The following RABGEF1 variants were observed in gnomAD, a reference collection of about 807,000 sequenced individuals.
The protein encoded by RABGEF1 is RAB guanine nucleotide exchange factor 1, also known as rab5 GDP/GTP exchange factor.
RABGEF1 carries 26 observed loss-of-function variants against 57.3 expected under a neutral mutation model. The ratio of observed to expected loss-of-function variants is 0.45; its 90% CI spans 0.33 to 0.63. The LOEUF (loss-of-function observed/expected upper bound fraction) is 0.63. Among genes scored for constraint, RABGEF1 ranks in the 20% least tolerant of loss-of-function variants. The pLI is 0.02. For missense variants in RABGEF1, 464 were observed against 607.6 expected (o/e 0.76, Z 2.48); for synonymous variants, 185 against 210.7 (o/e 0.88, Z 1.06).
chr7:66,662,654 G>A, the RABGEF1 span, among the ~76,000 whole-genome samples: 1 of 152,118 alleles, frequency 6.6e-6, no homozygotes, highest in Non-Finnish European at 1.5e-5. Context: ...TCATTCTAGA[G>A]AACCCTGCTC....
intron 2 of RABGEF1, among the ~76,000 whole-genome samples, chr7:66,731,490 G>A (rs1297177329): frequency 6.6e-6 from 1 of 152,090 alleles, no homozygotes; most frequent in East Asian, 1.9e-4. Context: ...GCCACCGCAG[G>A]TGGATCACTT....
At chr7:66,747,021 T>A (rs1800417885) in intron 1 of RABGEF1, among the ~76,000 whole-genome samples, 1 of 151,992 alleles carries the variant, frequency 6.6e-6, no homozygotes, top group Admixed American at 6.5e-5. Context: ...CTCGAATTTC[T>A]GACCTCAGGT....
chr7:66,786,547 G>A (rs766934480), intron 4 of RABGEF1, among the ~76,000 whole-genome samples: 2 of 152,104 alleles, frequency 1.3e-5, no homozygotes, highest in Non-Finnish European at 1.5e-5. Flanking sequence ...GGGACTAGTG[G>A]CACACACCAC....
chr7:66,682,685 C>T (rs917346233), intron 1 of RABGEF1, among the ~76,000 whole-genome samples: 2 of 132,194 alleles, frequency 1.5e-5, no homozygotes. Context: ...ACGCTCGGAC[C>T]CAGACCACAG....
chr7:66,667,954 C>T, the RABGEF1 span, among the ~76,000 whole-genome samples: 1 of 152,212 alleles, frequency 6.6e-6, no homozygotes, highest in Admixed American at 6.5e-5. Context: ...CATGCCACCA[C>T]GCCTGGCTGA....
chr7:66,661,298 CA>C, the RABGEF1 span, among the ~76,000 whole-genome samples: 33 of 78,026 alleles, frequency 4.2e-4, no homozygotes, highest in Non-Finnish European at 5.2e-4. Context: ...GACTCCATCT[CA>C]AAAAAAAAAA....
At chr7:66,666,835 G>A in the RABGEF1 span, among the ~76,000 whole-genome samples, 1 of 152,224 alleles carries the variant, frequency 6.6e-6, no homozygotes, top group Non-Finnish European at 1.5e-5. Flanking sequence ...TCCTTGGAGA[G>A]GTCAGGATGG....
the RABGEF1 span, among the ~76,000 whole-genome samples, chr7:66,671,310 G>T: frequency 2.6e-5 from 4 of 152,114 alleles, no homozygotes; most frequent in South Asian, 6.2e-4. Flanking sequence ...CTCCTGAATA[G>T]CTGGGACTAC....
At chr7:66,679,399 C>A (rs781668446), upstream of RABGEF1, among the ~76,000 whole-genome samples, 23 of 152,252 alleles carry the variant, frequency 1.5e-4, no homozygotes, top group Non-Finnish European at 2.2e-4. Flanking sequence ...GCCTCAACCC[C>A]CCAGGCTCAT....
At chr7:66,739,015 A>T (rs552270694), upstream of RABGEF1, among the ~76,000 whole-genome samples, 1 of 152,078 alleles carries the variant, frequency 6.6e-6, no homozygotes, top group East Asian at 2.0e-4. Flanking sequence ...CAATGGCGCA[A>T]TCTCAGCTCA....
At chr7:66,754,994 G>A (rs1213938475) in intron 1 of RABGEF1, among the ~76,000 whole-genome samples, 1 of 151,904 alleles carries the variant, frequency 6.6e-6, no homozygotes, top group Non-Finnish European at 1.5e-5. Context: ...GGGAAATATA[G>A]CTAGATCCTG....
intron 4 of RABGEF1, among the ~76,000 whole-genome samples, chr7:66,794,633 C>T (rs1813578687): frequency 6.6e-6 from 1 of 152,156 alleles, no homozygotes; most frequent in Non-Finnish European, 1.5e-5. Flanking sequence ...TGGTTAATGA[C>T]AGTGTGCACT....
At chr7:66,713,406 G>A (rs1466583590) in intron 2 of RABGEF1, among the ~76,000 whole-genome samples, 1 of 152,192 alleles carries the variant, frequency 6.6e-6, no homozygotes, top group African/African-American at 2.4e-5. Context: ...GGGATTACAG[G>A]CTTGAGCCAC....
chr7:66,789,780 C>T (rs35315599), intron 4 of RABGEF1, among the ~76,000 whole-genome samples: 15,661 of 149,146 alleles, frequency 0.11, 988 homozygotes, highest in South Asian at 0.2. Flanking sequence ...TAGTGATAGG[C>T]GAGGGGAAAC....
rs115002777 is a variant in RABGEF1 at position 66,697,907 on chromosome 7, A to C, written c.-872-14260A>C. 7.6e-3 allele frequency among the ~76,000 whole-genome samples: 1,153 copies of C among 152,188 alleles called. 18 individuals carry two copies. Among genetic ancestry groups the C allele is most frequent in the African/African-American group, 0.026 (1,085 of 41,520 alleles). ...AGAGCAAGTGAGGCTGCTCACCTCA[A>C]ACCCCTGATCCTATTTCCCTCCATG... On this transcript the variant is annotated intron_variant and NMD_transcript_variant, in intron 1 of 9. Transcript: ENST00000607882.
chr7:66,756,249 C>T (rs1802683361), intron 1 of RABGEF1, among the ~76,000 whole-genome samples: 1 of 152,118 alleles, frequency 6.6e-6, no homozygotes, highest in Non-Finnish European at 1.5e-5. Flanking sequence ...TTTTGTTTGC[C>T]TGTCAGATTG....
chr7:66,712,969 C>T (rs1322552575), intron 2 of RABGEF1, among the ~76,000 whole-genome samples: 15 of 151,842 alleles, frequency 9.9e-5, no homozygotes, highest in Admixed American at 9.9e-4. Flanking sequence ...TGTGCCACTA[C>T]ACTTGGCTAA....
chr7:66,774,412 A>T (rs1172010649), intron 2 of RABGEF1, among the ~76,000 whole-genome samples: 2 of 152,180 alleles, frequency 1.3e-5, no homozygotes, highest in Non-Finnish European at 2.9e-5. Flanking sequence ...TCCCTACCAC[A>T]TGATGAAATC....
chr7:66,721,430 G>A (rs1796042864), intron 2 of RABGEF1, among the ~76,000 whole-genome samples: 1 of 152,124 alleles, frequency 6.6e-6, no homozygotes, highest in African/African-American at 2.4e-5. Flanking sequence ...GGAGGCTCTT[G>A]GGGGAGATGC....
Sources: gnomAD v4.1 joint callset for allele counts (sites outside exome capture counted in the v4.1 genomes callset) on GRCh38, gnomAD v4.1.1 for gene constraint, MANE v1.5 for transcripts, NCBI Gene and HGNC (gene_info 2026-07-23, HGNC 2026-07-21) for gene names.